LRRN1: variants seen among roughly 807,000 people sequenced by gnomAD.
LRRN1 encodes leucine-rich repeat neuronal protein 1.
In LRRN1, 14 loss-of-function variants were observed where a neutral mutation model predicts 45.8. The observed-to-expected ratio is 0.31, with a 90% CI of 0.20 to 0.48. LRRN1 has a LOEUF of 0.48. LRRN1 is among the 20% of genes least tolerant of loss of function. The pLI is 0.99. For missense variants in LRRN1, 789 were observed against 874.2 expected (o/e 0.90, Z 1.23); for synonymous variants, 359 against 330.1 (o/e 1.09, Z -0.95).
intron 1 of LRRN1, among the ~76,000 whole-genome samples, chr3:3,801,800 A>G (rs935532775): frequency 6.6e-6 from 1 of 152,236 alleles, no homozygotes; most frequent in Non-Finnish European, 1.5e-5. Context: ...GCAATATTCA[A>G]GCTGGATATT....
Position 3,844,735 on chromosome 3 carries a change from T to C in LRRN1, c.94T>C (p.Cys32Arg). The C allele has an allele frequency of 6.2e-7, 1 of 1,614,074 alleles. No individual in the cohort carries two copies. The highest frequency in any genetic ancestry group is 8.5e-7 in the Non-Finnish European group (1 of 1,179,992). ...LTESSIQNSE[C>R]PQLCVCEIRP... ...CGAGTCTTCCATACAGAATAGTGAG[T>C]GTCCACAACTTTGCGTATGTGAAAT... is the stretch of plus-strand genomic sequence containing the variant. Residue 32 changes from cysteine (C) to arginine (R), a missense_variant, in exon 2 of 2, where the codon TGT (cysteine) becomes CGT (arginine). Coordinates refer to ENST00000319331, the MANE Select transcript of LRRN1 (RefSeq NM_020873.7).
At position 3,828,880 on chromosome 3, in the gene LRRN1, C is replaced by T. The variant is rs78731768; in HGVS notation, c.-278-15484C>T. ...GTCCTTGTTTCTGCACTTGTTTCTG[C>T]AGCTGGTCATGTGATCGTAGCTGGT... On this transcript the variant is annotated intron_variant, in intron 1 of 1. Transcript: ENST00000319331. Among the ~76,000 whole-genome samples the T allele has an allele frequency of 6.5e-3, 993 of 152,308 alleles. 48 individuals carry two copies. The East Asian group carries it at 0.13, about 20-fold the overall frequency.
At chr3:3,827,060 C>G (rs989649860) in intron 1 of LRRN1, among the ~76,000 whole-genome samples, 1 of 152,170 alleles carries the variant, frequency 6.6e-6, no homozygotes, top group Admixed American at 6.5e-5. Context: ...CAATACGAGA[C>G]ATCAATCCTG....
At chr3:3,833,866 G>C (rs1380706949) in intron 1 of LRRN1, among the ~76,000 whole-genome samples, 1 of 152,176 alleles carries the variant, frequency 6.6e-6, no homozygotes, top group Non-Finnish European at 1.5e-5. Context: ...AGTGTCCTCA[G>C]CTTCATCAGG....
Position 3,846,848 on chromosome 3 carries a change from T to C in LRRN1, c.*56T>C, listed in dbSNP as rs531962944. The C allele has an allele frequency of 1.8e-5, 25 of 1,384,052 alleles. 1 individual carries two copies. The South Asian group carries it at 3.1e-4, about 17-fold the overall frequency. The allele number at this position is 1,384,052 out of a possible 1,614,324, so 85.7% of individuals were successfully genotyped here. Reference sequence around the variant, plus strand: ...GAGCACAAAGACGTTTTTGCTTTATTCTGCAAAAGTGAACAAGTTGAAGAC... The same window carrying C: ...GAGCACAAAGACGTTTTTGCTTTATCCTGCAAAAGTGAACAAGTTGAAGAC... On this transcript the variant is annotated 3_prime_UTR_variant, in exon 2 of 2. Coordinates refer to ENST00000319331, the MANE Select transcript of LRRN1 (RefSeq NM_020873.7). The surrounding 1 kb of genome is among the most constrained non-coding windows in gnomAD (Gnocchi z 5.7).
intron 1 of LRRN1, among the ~76,000 whole-genome samples, 182 bp downstream of exon 1, chr3:3,800,101 C>A (rs372579208): frequency 9.1e-4 from 125 of 137,262 alleles, no homozygotes; most frequent in African/African-American, 3.4e-3. Context: ...AGTCGGGAAA[C>A]GAGAATATAG....
At chr3:3,811,098 G>A (rs1019572369) in intron 1 of LRRN1, among the ~76,000 whole-genome samples, 2 of 152,026 alleles carry the variant, frequency 1.3e-5, no homozygotes, top group African/African-American at 4.8e-5. Context: ...AATAAATAGA[G>A]TTTTCTAAGT....
At chr3:3,839,956 A>G (rs1436027159) in intron 1 of LRRN1, among the ~76,000 whole-genome samples, 1 of 152,074 alleles carries the variant, frequency 6.6e-6, no homozygotes, top group African/African-American at 2.4e-5. Context: ...TTCCATTTGA[A>G]TGCCTTTTAT....
At chr3:3,829,489 T>C (rs1436545782) in intron 1 of LRRN1, among the ~76,000 whole-genome samples, 4 of 152,192 alleles carry the variant, frequency 2.6e-5, no homozygotes, top group Non-Finnish European at 2.9e-5. Context: ...ATTCTAGCTA[T>C]GGGACAAACA....
In LRRN1 at chr3:3,845,122, C is replaced by A. The variant is rs185651454; in HGVS notation, c.481C>A (p.His161Asn). 8 of 1,614,170 alleles carry A rather than the reference C, an allele frequency of 5.0e-6. No homozygotes were observed. In the East Asian group the frequency reaches 1.3e-4, roughly 27 times the overall value. Residue 161 changes from histidine to asparagine, a missense_variant, in exon 2 of 2, where the codon CAT becomes AAT. By Grantham distance (68) the His-to-Asn change is moderately conservative (BLOSUM62 1). Coordinates refer to ENST00000319331, the MANE Select transcript of LRRN1 (RefSeq NM_020873.7). The surrounding 1 kb of genome is among the most constrained non-coding windows in gnomAD (Gnocchi z 6.5). ...NHNQISTISA[H>N]AFAGLKNLLR... ...CAACCAAATTAGCACTATTTCTGCTCATGCTTTTGCAGGCTTAAAAAATCT... is the reference window on the plus strand; with the variant it reads ...CAACCAAATTAGCACTATTTCTGCTAATGCTTTTGCAGGCTTAAAAAATCT...
intron 1 of LRRN1, among the ~76,000 whole-genome samples, chr3:3,830,416 G>A (rs1029131985): frequency 3.9e-5 from 6 of 152,216 alleles, no homozygotes; most frequent in East Asian, 1.9e-4. Flanking sequence ...GCACAACCAG[G>A]TGCACTGCTT....
chr3:3,834,532 A>ATATATATATATATAT (rs1693452448), intron 1 of LRRN1, among the ~76,000 whole-genome samples: 1 of 103,676 alleles, frequency 9.6e-6, no homozygotes, highest in African/African-American at 3.6e-5. Flanking sequence ...CAGGATATAT[A>ATATATATATATATAT]TATATATATA....
intron 1 of LRRN1, among the ~76,000 whole-genome samples, chr3:3,829,348 C>T (rs1191745147): frequency 6.6e-6 from 1 of 152,132 alleles, no homozygotes. Flanking sequence ...AGCGTTCCTC[C>T]TCCTGGAACT....
rs568102948 is a variant in LRRN1, at chr3:3,824,196, G to T, written c.-278-20168G>T. On this transcript the variant is annotated intron_variant, in intron 1 of 1. Transcript: ENST00000319331. ...ATAGAGATGATCATACCATATACAC[G>T]TAAGTCACTCAGTGTAGTGGTTAGT... Among the ~76,000 whole-genome samples the T allele has an allele frequency of 2.2e-4, 34 of 152,282 alleles. No homozygotes were observed. In the South Asian group the frequency reaches 7.0e-3, roughly 32 times the overall value.
Position 3,848,517 on chromosome 3 carries a change from G to C in LRRN1, c.*1725G>C, listed in dbSNP as rs1053750592. 1.3e-5 allele frequency among the ~76,000 whole-genome samples: 2 copies of C among 152,168 alleles called. No individual in the cohort carries two copies. Among genetic ancestry groups the C allele is most frequent in the Non-Finnish European group, 2.9e-5 (2 of 68,030 alleles). ...CAGAAAGAAAGTCCAGGTGATGTAG[G>C]TTGAGGTATTTCTTTCTTTGGCAGT... On this transcript the variant is annotated 3_prime_UTR_variant, in exon 2 of 2. Coordinates refer to ENST00000319331, the MANE Select transcript of LRRN1 (RefSeq NM_020873.7).
At chr3:3,812,751 G>T (rs1303687150) in intron 1 of LRRN1, among the ~76,000 whole-genome samples, 5 of 145,780 alleles carry the variant, frequency 3.4e-5, no homozygotes, top group African/African-American at 1.3e-4. Flanking sequence ...CAGGAAGAAA[G>T]TTTCTCCTCC....
At chr3:3,825,477 G>C (rs929269279) in intron 1 of LRRN1, among the ~76,000 whole-genome samples, 3 of 152,092 alleles carry the variant, frequency 2.0e-5, no homozygotes, top group African/African-American at 7.2e-5. Context: ...GAGAATTTTT[G>C]TCTCGATGAA....
intron 1 of LRRN1, among the ~76,000 whole-genome samples, chr3:3,808,563 C>T (rs891204402): frequency 5.3e-5 from 8 of 152,182 alleles, no homozygotes; most frequent in Admixed American, 3.9e-4. Flanking sequence ...TTTTCAAGAA[C>T]TGCCTCTGTG....
rs147930432 is a variant in LRRN1 at position 3,845,535 on chromosome 3, C to T, written c.894C>T (p.Gly298=). The T allele has an allele frequency of 4.1e-4, 659 of 1,614,048 alleles. 4 individuals carry two copies. The Middle Eastern group carries it at 0.01, about 25-fold the overall frequency. Residue 298 remains glycine, a synonymous_variant, in exon 2 of 2, where the codon GGC becomes GGT. Coordinates refer to ENST00000319331, the MANE Select transcript of LRRN1 (RefSeq NM_020873.7). This position sits in a 1 kb window ranked among gnomAD's most constrained non-coding sequence, Gnocchi z 6.5. ...RLKELGINNM[G]ELVSVDRYAL... ...AAGAACTGGGAATCAACAATATGGG[C>T]GAGCTCGTTTCTGTCGACCGCTATG...
Sources: gnomAD v4.1 joint callset for allele counts (sites outside exome capture counted in the v4.1 genomes callset) on GRCh38, gnomAD v4.1.1 for gene constraint, Gnocchi (gnomAD v3.1) non-coding constraint, MANE v1.5 for transcripts, NCBI Gene and HGNC (gene_info 2026-07-23, HGNC 2026-07-21) for gene names.